The following DMD variants were observed in gnomAD, a reference collection of about 807,000 sequenced individuals.
DMD encodes the protein mutant dystrophin.
DMD carries 63 observed loss-of-function variants against 330.1 expected under a neutral mutation model. The observed-to-expected ratio is 0.19, with a 90% CI of 0.16 to 0.24. The LOEUF (loss-of-function observed/expected upper bound fraction) is 0.24. Ranked by LOEUF, DMD falls within the 10% of genes least tolerant of loss-of-function variation. DMD has a pLI of 1.00. For missense variants in DMD, 3,344 were observed against 2,684.1 expected, an observed-to-expected ratio of 1.25 and a Z score of -5.43; for synonymous variants, 1,223 against 959.8, an observed-to-expected ratio of 1.27 and a Z score of -5.07.
At chrX:31,197,429 G>C (rs2043009309) in intron 67 of DMD, among the ~76,000 whole-genome samples, 1 of 106,121 alleles carries the variant, frequency 9.4e-6, no homozygotes, top group South Asian at 4.0e-4. Flanking sequence ...GAGTAGAATT[G>C]GGAATGTTTC....
At chrX:32,752,668 C>T (rs1342823954) in intron 7 of DMD, among the ~76,000 whole-genome samples, 2 of 107,456 alleles carry the variant, frequency 1.9e-5, no homozygotes, top group Admixed American at 1.0e-4. Context: ...TGGGAGGGGC[C>T]GGGGGTGGAA....
chrX:32,788,563 T>C lies in DMD; in HGVS notation c.649+20930A>G, dbSNP rs183767043. 1.4e-3 allele frequency among the ~76,000 whole-genome samples: 161 copies of C among 112,059 alleles called. 1 individual carries two copies. The highest frequency in any genetic ancestry group is 5.0e-3 in the African/African-American group (154 of 30,886). ...AATTCTATTCCATCTGTGAGTATAA[T>C]TGCCAATTTTATCTCCTTACAACTA... is the stretch of plus-strand genomic sequence containing the variant. On this transcript the variant is annotated intron_variant, in intron 7 of 78. Coordinates refer to ENST00000357033, the MANE Select transcript of DMD (RefSeq NM_004006.3).
chrX:31,529,709 G>A (rs186120488), intron 55 of DMD, among the ~76,000 whole-genome samples: 1 of 111,913 alleles, frequency 8.9e-6, no homozygotes, highest in Non-Finnish European at 1.9e-5. Flanking sequence ...GTGCACCCAG[G>A]TGCCCTCTCA....
chrX:32,221,630 A>G (rs1177711131), intron 43 of DMD, among the ~76,000 whole-genome samples: 1 of 111,648 alleles, frequency 9.0e-6, no homozygotes, highest in Non-Finnish European at 1.9e-5. Context: ...TAGAAGTAAA[A>G]TCAGATATTT....
At chrX:32,350,173 A>G (rs755360080) in intron 37 of DMD, among the ~76,000 whole-genome samples, 1 of 111,329 alleles carries the variant, frequency 9.0e-6, no homozygotes, top group South Asian at 3.7e-4. Flanking sequence ...AGTCAGATTT[A>G]CCTGTTTTAT....
In DMD at chrX:31,632,520, ATAGAG is replaced by A. The variant is rs1307356034; in HGVS notation, c.8028-4663_8028-4659del. Among the ~76,000 whole-genome samples the A allele has an allele frequency of 1.1e-4, 12 of 112,090 alleles. No homozygotes were observed. The East Asian group carries it at 2.8e-3, about 26-fold the overall frequency. Reference sequence around the variant, plus strand: ...ACTTTCACTATGGCCTGGCATTGTTATAGAGTAATCACATAAAATACTCTGAATCT... The same window carrying A: ...ACTTTCACTATGGCCTGGCATTGTTATAATCACATAAAATACTCTGAATCT... On this transcript the variant is annotated intron_variant, in intron 54 of 78. Transcript: ENST00000357033.
intron 1 of DMD, among the ~76,000 whole-genome samples, chrX:33,246,129 A>G (rs1354895944): frequency 2.7e-5 from 3 of 112,333 alleles, no homozygotes; most frequent in Non-Finnish European, 5.6e-5. Context: ...TAGATGCTCA[A>G]TTATGAATCC....
chrX:31,850,264 A>G (rs1040911837), intron 48 of DMD, among the ~76,000 whole-genome samples: 2 of 112,540 alleles, frequency 1.8e-5, no homozygotes, highest in African/African-American at 6.5e-5. Flanking sequence ...CCAAAAAACA[A>G]AAAAACCTAC....
chrX:32,858,726 T>G (rs1603449742), intron 2 of DMD, among the ~76,000 whole-genome samples: 1 of 111,406 alleles, frequency 9.0e-6, no homozygotes, highest in African/African-American at 3.3e-5. Context: ...TGTGCTACAT[T>G]TAGCCTGTAA....
At chrX:33,209,372 A>T (rs1428316185) in intron 1 of DMD, among the ~76,000 whole-genome samples, 2 of 111,524 alleles carry the variant, frequency 1.8e-5, no homozygotes, top group Non-Finnish European at 3.8e-5. Flanking sequence ...ACCTCAGATG[A>T]CTTACATCAT....
chrX:31,834,920 G>A (rs2093161583), intron 49 of DMD, among the ~76,000 whole-genome samples: 1 of 111,510 alleles, frequency 9.0e-6, no homozygotes, highest in South Asian at 3.7e-4. Context: ...GGTTTTAAGG[G>A]TTGTGAAAGA....
intron 55 of DMD, among the ~76,000 whole-genome samples, chrX:31,586,503 T>C (rs1422342845): frequency 8.8e-6 from 1 of 112,995 alleles, no homozygotes; most frequent in Non-Finnish European, 1.9e-5. Flanking sequence ...GGTAATACAC[T>C]GCATTTAGTA....
At chrX:31,803,557 C>A (rs957867644) in intron 50 of DMD, among the ~76,000 whole-genome samples, 1 of 110,947 alleles carries the variant, frequency 9.0e-6, no homozygotes, top group Admixed American at 9.5e-5. Flanking sequence ...ACAATCGCCT[C>A]CATCTCCCTG....
chrX:32,738,249 C>G (rs988255880), intron 7 of DMD, among the ~76,000 whole-genome samples: 3 of 111,342 alleles, frequency 2.7e-5, no homozygotes, highest in African/African-American at 9.8e-5. Flanking sequence ...TGGACTTTAC[C>G]TAAGGTGGGT....
chrX:32,391,922 GT>G (rs1215882774), intron 30 of DMD, among the ~76,000 whole-genome samples: 1 of 111,938 alleles, frequency 8.9e-6, no homozygotes, highest in Non-Finnish European at 1.9e-5. Context: ...CCTCAAAAAG[GT>G]GGGCCAGTAA....
intron 4 of DMD, among the ~76,000 whole-genome samples, chrX:32,838,436 C>A (rs1248596383): frequency 9.1e-6 from 1 of 109,790 alleles, no homozygotes; most frequent in Non-Finnish European, 1.9e-5. Flanking sequence ...GTGACGTTCC[C>A]CTCCTAATGT....
intron 60 of DMD, among the ~76,000 whole-genome samples, chrX:31,394,801 A>T (rs564764605): frequency 4.1e-4 from 46 of 111,567 alleles, no homozygotes; most frequent in Admixed American, 2.4e-3. Flanking sequence ...CTCAAAAAAA[A>T]TTTTTTAAAG....
chrX:33,224,534 A>T (rs2052248846), intron 1 of DMD, among the ~76,000 whole-genome samples: 1 of 111,900 alleles, frequency 8.9e-6, no homozygotes, highest in Non-Finnish European at 1.9e-5. Flanking sequence ...TTATGAAGAT[A>T]GTAAAAATAT....
intron 60 of DMD, among the ~76,000 whole-genome samples, chrX:31,403,614 T>C (rs765958125): frequency 8.1e-5 from 9 of 111,674 alleles, no homozygotes; most frequent in Middle Eastern, 9.2e-3. Context: ...ATTAGAAATA[T>C]ACACATCAAA....
Sources: allele counts gnomAD v4.1 joint callset (sites outside exome capture counted in the v4.1 genomes callset), GRCh38; gene constraint gnomAD v4.1.1; transcripts MANE v1.5; gene names NCBI Gene and HGNC (gene_info 2026-07-23, HGNC 2026-07-21).